The following CSMD1 variants were observed in gnomAD, a reference collection of about 807,000 sequenced individuals.
CSMD1 encodes CUB and sushi domain-containing protein 1.
Under a neutral mutation model 417.5 loss-of-function variants are expected in CSMD1, and 213 were observed. The ratio of observed to expected loss-of-function variants is 0.51; its 90% CI spans 0.46 to 0.57. The LOEUF (loss-of-function observed/expected upper bound fraction) is 0.57. Ranked by LOEUF, CSMD1 falls within the 20% of genes least tolerant of loss-of-function variation. The probability of loss-of-function intolerance (pLI) is 0.00; values close to 1 mark genes in which losing one functional copy is unlikely to be tolerated. For synonymous variants in CSMD1, 2,862 were observed against 1,736.8 expected (o/e 1.65, Z -16.11); for missense variants, 6,923 against 4,529.7 (o/e 1.53, Z -15.17).
chr8:4,702,731 C>A (rs912381336), intron 1 of CSMD1, among the ~76,000 whole-genome samples: 1 of 152,118 alleles, frequency 6.6e-6, no homozygotes, highest in Non-Finnish European at 1.5e-5. Flanking sequence ...TGTAGAGTTT[C>A]TTGTCTATTC....
chr8:3,687,846 T>C (rs1196377232), intron 7 of CSMD1, among the ~76,000 whole-genome samples: 1 of 152,222 alleles, frequency 6.6e-6, no homozygotes, highest in East Asian at 1.9e-4. Context: ...CAGTCCACTC[T>C]TGGTCTCCAC....
At chr8:4,254,133 G>T (rs1011431104) in intron 3 of CSMD1, among the ~76,000 whole-genome samples, 1 of 151,874 alleles carries the variant, frequency 6.6e-6, no homozygotes. Context: ...TAGCCAGGGT[G>T]GTCTCCATCT....
intron 6 of CSMD1, among the ~76,000 whole-genome samples, chr8:3,717,452 G>T (rs937268887): frequency 1.3e-5 from 2 of 151,980 alleles, no homozygotes; most frequent in African/African-American, 4.8e-5. Context: ...TTGTAACTGT[G>T]AAATATTCAT....
intron 23 of CSMD1, among the ~76,000 whole-genome samples, chr8:3,327,454 G>T (rs1298511857): frequency 6.6e-6 from 1 of 152,122 alleles, no homozygotes; most frequent in Non-Finnish European, 1.5e-5. Context: ...CTTTTTTATA[G>T]CACAGAAAAT....
chr8:4,415,542 G>A (rs911244256), intron 3 of CSMD1, among the ~76,000 whole-genome samples: 8 of 152,258 alleles, frequency 5.3e-5, no homozygotes, highest in African/African-American at 1.9e-4. Flanking sequence ...TTATAAAGCC[G>A]GAATGACTAT....
intron 3 of CSMD1, among the ~76,000 whole-genome samples, chr8:4,415,385 A>T (rs184084951): frequency 6.6e-6 from 1 of 151,956 alleles, no homozygotes; most frequent in East Asian, 1.9e-4. Context: ...CTTCCTTGAG[A>T]CCTTCTATTC....
intron 3 of CSMD1, among the ~76,000 whole-genome samples, chr8:4,112,526 C>A (rs1801910951): frequency 6.6e-6 from 1 of 152,184 alleles, no homozygotes; most frequent in Non-Finnish European, 1.5e-5. Context: ...GAAAAGACAT[C>A]CCAAACTGGA....
intron 3 of CSMD1, among the ~76,000 whole-genome samples, chr8:4,116,148 C>T (rs954120748): frequency 3.9e-5 from 6 of 151,912 alleles, no homozygotes; most frequent in Non-Finnish European, 8.8e-5. Context: ...CGCGTACCAC[C>T]GCACCCAGCT....
rs189691479 is a variant in CSMD1, at chr8:3,535,327, T to C, written c.1344+39618A>G. ...TGGCCGTACTTTCTATCTTTCTATA[T>C]ACCATGCTGAGTCACTATAGGAAGA... On this transcript the variant is annotated intron_variant, in intron 10 of 69. Coordinates refer to ENST00000635120, the MANE Select transcript of CSMD1 (RefSeq NM_033225.6). Among the ~76,000 whole-genome samples, 6 of 152,264 alleles carry C rather than the reference T, an allele frequency of 3.9e-5. No homozygotes were observed. In the East Asian group the frequency reaches 1.2e-3, roughly 29 times the overall value.
chr8:4,661,535 T>G (rs1176253902), intron 1 of CSMD1, among the ~76,000 whole-genome samples: 1 of 152,280 alleles, frequency 6.6e-6, no homozygotes, highest in South Asian at 2.1e-4. Flanking sequence ...ATAGGATCTT[T>G]GTAGTGATAT....
chr8:3,889,452 CATATATATATAT>C (rs1171842639), intron 5 of CSMD1, among the ~76,000 whole-genome samples: 21 of 45,402 alleles, frequency 4.6e-4, no homozygotes, highest in South Asian at 2.2e-3. Flanking sequence ...CTGATCTTTC[CATATATATATAT>C]ATATATATAT....
chr8:3,907,042 A>G (rs1808161620), intron 5 of CSMD1, among the ~76,000 whole-genome samples: 1 of 152,110 alleles, frequency 6.6e-6, no homozygotes. Context: ...TGGCTGGGAG[A>G]GCTTACTAAA....
intron 1 of CSMD1, among the ~76,000 whole-genome samples, chr8:4,905,908 A>G (rs1050803828): frequency 6.6e-6 from 1 of 151,832 alleles, no homozygotes; most frequent in Admixed American, 6.6e-5. Flanking sequence ...TGCCTTTCTC[A>G]GAGCCACTCT....
chr8:4,303,566 A>T (rs530142968), intron 3 of CSMD1, among the ~76,000 whole-genome samples: 71 of 152,100 alleles, frequency 4.7e-4, no homozygotes, highest in African/African-American at 1.6e-3. Context: ...ATTTCTTCTC[A>T]GCAGCGTTGG....
intron 8 of CSMD1, among the ~76,000 whole-genome samples, chr8:3,615,964 C>A (rs533236896): frequency 6.6e-6 from 1 of 152,138 alleles, no homozygotes; most frequent in Non-Finnish European, 1.5e-5. Context: ...AATGTAGCAA[C>A]AGAAAATCAG....
At chr8:3,063,145 T>A (rs1236658987) in intron 49 of CSMD1, among the ~76,000 whole-genome samples, 3 of 152,192 alleles carry the variant, frequency 2.0e-5, no homozygotes, top group Non-Finnish European at 2.9e-5. Flanking sequence ...ACGCTCTTTG[T>A]GGCCGATTTC....
chr8:4,462,651 A>C (rs893395892), intron 2 of CSMD1, among the ~76,000 whole-genome samples: 1 of 152,138 alleles, frequency 6.6e-6, no homozygotes, highest in African/African-American at 2.4e-5. Flanking sequence ...TGGATTAATG[A>C]AATAAAATTC....
At chr8:4,250,565 A>T (rs926598024) in intron 3 of CSMD1, among the ~76,000 whole-genome samples, 6 of 152,112 alleles carry the variant, frequency 3.9e-5, no homozygotes, top group African/African-American at 1.4e-4. Flanking sequence ...TGGAAAGCTA[A>T]TTTTCTTTTA....
At chr8:2,988,580 A>C (rs1265451653) in intron 54 of CSMD1, among the ~76,000 whole-genome samples, 2 of 152,196 alleles carry the variant, frequency 1.3e-5, no homozygotes, top group African/African-American at 2.4e-5. Context: ...GAGAGTAGGA[A>C]AATGTGATTC....
Sources: allele counts gnomAD v4.1 joint callset (sites outside exome capture counted in the v4.1 genomes callset), GRCh38; gene constraint gnomAD v4.1.1; transcripts MANE v1.5; gene names NCBI Gene and HGNC (gene_info 2026-07-23, HGNC 2026-07-21).